The following LDLRAD4 variants were observed in gnomAD, a reference collection of about 807,000 sequenced individuals.
LDLRAD4 encodes low-density lipoprotein receptor class A domain-containing protein 4.
LDLRAD4 carries 5 observed loss-of-function variants against 17.0 expected under a neutral mutation model. The ratio of observed to expected loss-of-function variants is 0.29; its 90% confidence interval spans 0.15 to 0.62. The LOEUF (loss-of-function observed/expected upper bound fraction) is 0.62, where lower values mean the gene tolerates loss of function less well. LDLRAD4 is among the 20% of genes least tolerant of loss of function. LDLRAD4 has a pLI of 0.84. For synonymous variants in LDLRAD4, 168 were observed against 171.8 expected, an observed-to-expected ratio of 0.98 and a Z score of 0.17; for missense variants, 340 against 424.7, an observed-to-expected ratio of 0.80 and a Z score of 1.75.
intron 2 of LDLRAD4, among the ~76,000 whole-genome samples, chr18:13,400,920 A>G (rs937638863): frequency 6.6e-6 from 1 of 152,228 alleles, no homozygotes; most frequent in African/African-American, 2.4e-5. Context: ...GGCAGACCCC[A>G]TGTTCATGGA....
chr18:13,455,955 T>G (rs2092109381), intron 3 of LDLRAD4, among the ~76,000 whole-genome samples: 1 of 152,116 alleles, frequency 6.6e-6, no homozygotes, highest in Admixed American at 6.5e-5. Flanking sequence ...CTGAATTCCA[T>G]GTAGAAGTCC....
intron 2 of LDLRAD4, among the ~76,000 whole-genome samples, chr18:13,390,260 G>A (rs1568088466): frequency 6.6e-6 from 1 of 152,224 alleles, no homozygotes; most frequent in Non-Finnish European, 1.5e-5. Flanking sequence ...CAGTGGTGGG[G>A]TGTTCGCCAC....
At chr18:13,618,926 C>G (rs2040326792) in intron 3 of LDLRAD4, among the ~76,000 whole-genome samples, 1 of 152,156 alleles carries the variant, frequency 6.6e-6, no homozygotes, top group African/African-American at 2.4e-5. Context: ...CATGCTTATC[C>G]CTGGGCTGGT....
intron 3 of LDLRAD4, among the ~76,000 whole-genome samples, chr18:13,590,134 TGTGGGTGTGC>T (rs990816987): frequency 4.7e-5 from 7 of 150,492 alleles, no homozygotes; most frequent in Non-Finnish European, 8.9e-5. Flanking sequence ...GGTGTGCATG[TGTGGGTGTGC>T]GTGGGTGTGG....
upstream of LDLRAD4, among the ~76,000 whole-genome samples, chr18:13,274,028 T>C (rs1281821765): frequency 1.3e-5 from 2 of 151,950 alleles, no homozygotes; most frequent in East Asian, 1.9e-4. Context: ...TGCCATAGGG[T>C]ATGGCGTGTG....
intron 1 of LDLRAD4, among the ~76,000 whole-genome samples, chr18:13,384,514 A>G (rs540957793): frequency 6.6e-6 from 1 of 152,328 alleles, no homozygotes; most frequent in South Asian, 2.1e-4. Context: ...ACTAAAACGT[A>G]TTCCTCCAGT....
chr18:13,344,300 T>C (rs2082550524), intron 1 of LDLRAD4, among the ~76,000 whole-genome samples: 1 of 152,248 alleles, frequency 6.6e-6, no homozygotes, highest in African/African-American at 2.4e-5. Flanking sequence ...TTTCTACATA[T>C]GGCTAGCCAG....
chr18:13,589,867 G>A (rs924946387), intron 3 of LDLRAD4, among the ~76,000 whole-genome samples: 18 of 152,212 alleles, frequency 1.2e-4, no homozygotes, highest in Non-Finnish European at 2.4e-4. Flanking sequence ...GGAGTGACAG[G>A]CAGACGGGGT....
rs370131018 is a variant in LDLRAD4 at position 13,219,033 on chromosome 18, C to G, written c.-467+45C>G. The stretch of plus-strand genomic sequence containing the variant: ...ACAGTGGGTTCGGTTTAGGTTAAAT[C>G]GCTATCGTGGCGGAGAGGGCATTTG... On this transcript the variant is annotated intron_variant, in intron 1 of 5. Coordinates refer to the LDLRAD4 transcript ENST00000399848. 4.0e-5 allele frequency: 6 copies of G among 150,774 alleles called. No homozygotes were observed. In the East Asian group the frequency reaches 1.2e-3, roughly 29 times the overall value. The allele number at this position is 150,774 out of a possible 1,614,324, so 9.3% of individuals were successfully genotyped here.
intron 3 of LDLRAD4, among the ~76,000 whole-genome samples, chr18:13,576,175 G>A (rs1160713917): frequency 6.6e-6 from 1 of 152,150 alleles, no homozygotes; most frequent in Non-Finnish European, 1.5e-5. Flanking sequence ...TGTAATCCCA[G>A]CACTTTGGGA....
intron 3 of LDLRAD4, among the ~76,000 whole-genome samples, chr18:13,465,626 C>G (rs2092589745): frequency 1.3e-5 from 2 of 152,194 alleles, no homozygotes; most frequent in Admixed American, 1.3e-4. Flanking sequence ...CTCACAACAC[C>G]TACAAACCAT....
intron 1 of LDLRAD4, among the ~76,000 whole-genome samples, chr18:13,243,436 G>C (rs1310961530): frequency 6.9e-6 from 1 of 145,238 alleles, no homozygotes; most frequent in Non-Finnish European, 1.5e-5. Context: ...CTAGCCACCT[G>C]TACACCCACC....
At chr18:13,355,433 A>T (rs1380098186) in intron 1 of LDLRAD4, among the ~76,000 whole-genome samples, 1 of 152,216 alleles carries the variant, frequency 6.6e-6, no homozygotes, top group Non-Finnish European at 1.5e-5. Flanking sequence ...CCAGTGGTAG[A>T]ATTTGTCATA....
chr18:13,649,768 C>T (rs900346739), exon 6 of LDLRAD4: 7 of 346,798 alleles, frequency 2.0e-5, no homozygotes, highest in Middle Eastern at 7.3e-4. Flanking sequence ...GGGAAAGATA[C>T]TTGGTTTCTG....
chr18:13,225,764 C>T (rs1418173557), intron 1 of LDLRAD4, among the ~76,000 whole-genome samples: 1 of 152,046 alleles, frequency 6.6e-6, no homozygotes, highest in Non-Finnish European at 1.5e-5. Flanking sequence ...TAGTAGATTC[C>T]AGGTTTATTA....
intron 1 of LDLRAD4, among the ~76,000 whole-genome samples, chr18:13,222,423 G>A (rs575859858): frequency 1.3e-4 from 20 of 151,898 alleles, no homozygotes; most frequent in South Asian, 2.1e-4. Context: ...AAGCATTTAC[G>A]AAACTTTAAG....
At chr18:13,345,345 G>A (rs1490047348) in intron 1 of LDLRAD4, among the ~76,000 whole-genome samples, 1 of 152,072 alleles carries the variant, frequency 6.6e-6, no homozygotes, top group Non-Finnish European at 1.5e-5. Flanking sequence ...ATAATCATGT[G>A]GTTTTTGTCA....
intron 3 of LDLRAD4, among the ~76,000 whole-genome samples, chr18:13,476,623 CAA>C (rs11388844): frequency 1.1e-4 from 16 of 146,246 alleles, no homozygotes; most frequent in Non-Finnish European, 1.6e-4. Context: ...GAACCTGTCT[CAA>C]AAAAAAAAAA....
At chr18:13,234,650 A>G (rs1219829829) in intron 1 of LDLRAD4, among the ~76,000 whole-genome samples, 2 of 152,180 alleles carry the variant, frequency 1.3e-5, no homozygotes, top group African/African-American at 2.4e-5. Flanking sequence ...GACAGGCCTC[A>G]GTGCAAACAG....
Sources: allele counts gnomAD v4.1 joint callset (sites outside exome capture counted in the v4.1 genomes callset), GRCh38; gene constraint gnomAD v4.1.1; transcripts MANE v1.5; gene names NCBI Gene and HGNC (gene_info 2026-07-23, HGNC 2026-07-21).